The following TBC1D16 variants were observed in gnomAD, a reference collection of about 807,000 sequenced individuals.
TBC1D16 encodes the protein CTD-2529O21.1.
A neutral mutation model predicts 74.7 loss-of-function variants in TBC1D16; 58 were observed. That is an observed-to-expected ratio of 0.78 (90% CI 0.63 to 0.97). The LOEUF is 0.97. Ranked by LOEUF, TBC1D16 falls within the 50% of genes least tolerant of loss-of-function variation. The probability of loss-of-function intolerance (pLI) is 0.00; values close to 1 mark genes in which losing one functional copy is unlikely to be tolerated. For synonymous variants in TBC1D16, 493 were observed against 474.7 expected, an observed-to-expected ratio of 1.04 and a Z score of -0.50; for missense variants, 1,014 against 1,079.5, an observed-to-expected ratio of 0.94 and a Z score of 0.85.
rs955381622 is a variant in TBC1D16, at chr17:80,008,985, G to C, written c.779+1175C>G. Among the ~76,000 whole-genome samples, 1 of 152,190 alleles carries C rather than the reference G, an allele frequency of 6.6e-6. No homozygotes were observed. Among genetic ancestry groups the C allele is most frequent in the Non-Finnish European group, 1.5e-5 (1 of 68,020 alleles). ...CTGGGTTCACATCCCAGCTTGGCCC[G>C]GGCACTGGCTGGGAGACCCCTGGCA... On this transcript the variant is annotated intron_variant, in intron 3 of 11. Transcript: ENST00000310924. This position sits in a 1 kb window ranked among gnomAD's most constrained non-coding sequence, Gnocchi z 4.5.
intron 3 of TBC1D16, among the ~76,000 whole-genome samples, chr17:79,957,441 C>A (rs1469955199): frequency 1.3e-5 from 2 of 152,160 alleles, no homozygotes; most frequent in Non-Finnish European, 2.9e-5. Context: ...AGTGAAGGGA[C>A]CCACTGTGAC....
intron 3 of TBC1D16, among the ~76,000 whole-genome samples, chr17:79,984,902 C>T (rs1258714398): frequency 1.3e-5 from 2 of 149,650 alleles, no homozygotes; most frequent in Non-Finnish European, 3.0e-5. Flanking sequence ...ACCCACCCCA[C>T]CATCCTCCAG....
In TBC1D16 at chr17:79,990,754, G is replaced by T. The variant is rs1178434056; in HGVS notation, c.779+19406C>A. Among the ~76,000 whole-genome samples, 1 of 151,958 alleles carries T rather than the reference G, an allele frequency of 6.6e-6. No individual in the cohort carries two copies. The highest frequency in any genetic ancestry group is 2.1e-4 in the South Asian group (1 of 4,826). On this transcript the variant is annotated intron_variant, in intron 3 of 11. Coordinates refer to ENST00000310924, the MANE Select transcript of TBC1D16 (RefSeq NM_019020.4). The surrounding 1 kb of genome is among the most constrained non-coding windows in gnomAD (Gnocchi z 4.8). The stretch of plus-strand genomic sequence containing the variant: ...CTCCATGAAACACCAGCTCCCCAAC[G>T]TCCCCTCCCTCAGCCCCTGGCACCC...
intron 8 of TBC1D16, 78 bp downstream of exon 8, chr17:79,948,794 G>T: frequency 6.3e-7 from 1 of 1,582,890 alleles, no homozygotes; most frequent in Non-Finnish European, 8.7e-7. Flanking sequence ...CTCGCTGGGG[G>T]CTCATCCACT....
chr17:80,026,050 C>T (rs2036574087), intron 1 of TBC1D16: 1 of 150,220 alleles, frequency 6.7e-6, no homozygotes, highest in Non-Finnish European at 1.5e-5. Flanking sequence ...CACTCAGAAG[C>T]AACCGAGATG....
At chr17:79,978,229 G>C (rs1272481416) in intron 3 of TBC1D16, among the ~76,000 whole-genome samples, 1 of 152,222 alleles carries the variant, frequency 6.6e-6, no homozygotes, top group Non-Finnish European at 1.5e-5. Context: ...GCAGCTCCTC[G>C]CGGCATGGGC....
intron 2 of TBC1D16, among the ~76,000 whole-genome samples, chr17:80,012,784 G>A (rs1251606820): frequency 6.6e-6 from 1 of 152,138 alleles, no homozygotes; most frequent in East Asian, 1.9e-4. Flanking sequence ...AAATGTTAGG[G>A]TGTGCCGGGG....
At chr17:79,969,004 G>A (rs1219096792) in intron 3 of TBC1D16, among the ~76,000 whole-genome samples, 1 of 152,066 alleles carries the variant, frequency 6.6e-6, no homozygotes, top group African/African-American at 2.4e-5. Flanking sequence ...TTAAAAATGG[G>A]CAAATAATTT....
Position 79,941,062 on chromosome 17 carries a change from AG to A in TBC1D16, c.2100del (p.Cys701AlafsTer49). 1.3e-6 allele frequency: 2 copies of A among 1,596,866 alleles called. No individual in the cohort carries two copies. The highest frequency in any genetic ancestry group is 1.7e-5 in the Admixed American group (1 of 58,456). On this transcript the variant is annotated frameshift_variant, in exon 12 of 12. Transcript: ENST00000310924. LOFTEE classifies it high-confidence loss of function. The surrounding 1 kb of genome is among the most constrained non-coding windows in gnomAD (Gnocchi z 4.3). ...LYQFRLLPRI[P>X]CSLHDLCKLC... ...AGCTTACACAGATCGTGCAGGCTGC[AG>A]GGGATCCGGGGCAGGAGGCGGAACT... is the stretch of plus-strand genomic sequence containing the variant.
intron 10 of TBC1D16, among the ~76,000 whole-genome samples, chr17:79,942,752 G>A (rs907805212): frequency 4.6e-5 from 7 of 152,326 alleles, no homozygotes; most frequent in Non-Finnish European, 8.8e-5. Context: ...TCTAGGGTTT[G>A]TGGCTAGAAA....
At chr17:79,959,664 T>C (rs188222414) in intron 3 of TBC1D16, among the ~76,000 whole-genome samples, 108 of 152,258 alleles carry the variant, frequency 7.1e-4, no homozygotes, top group African/African-American at 2.4e-3. Context: ...GATATCTGCA[T>C]GAAAAAAATT....
rs142264701 is a variant in TBC1D16, at chr17:79,956,464, G to C, written c.780-3646C>G. ...AGATGGGGTTTTGCCATGTTGCCCAGGCTGGTCTCAAACTCCTGAGCTCAA... is the reference window on the plus strand; with the variant it reads ...AGATGGGGTTTTGCCATGTTGCCCACGCTGGTCTCAAACTCCTGAGCTCAA... On this transcript the variant is annotated intron_variant, in intron 3 of 11. Coordinates refer to ENST00000310924, the MANE Select transcript of TBC1D16 (RefSeq NM_019020.4). The surrounding 1 kb of genome is among the most constrained non-coding windows in gnomAD (Gnocchi z 4.0). 0.021 allele frequency among the ~76,000 whole-genome samples: 3,256 copies of C among 152,148 alleles called. 109 individuals are homozygous for C. The highest frequency in any genetic ancestry group is 0.073 in the African/African-American group (3,039 of 41,494).
chr17:80,011,420 C>G (rs936074312), intron 2 of TBC1D16, among the ~76,000 whole-genome samples: 1 of 152,174 alleles, frequency 6.6e-6, no homozygotes, highest in African/African-American at 2.4e-5. Flanking sequence ...CCAGGGCTCA[C>G]CTGCCTGCAG....
intron 3 of TBC1D16, among the ~76,000 whole-genome samples, chr17:79,962,754 T>A (rs2033673225): frequency 2.0e-5 from 3 of 151,208 alleles, no homozygotes. Context: ...ACCAACATGA[T>A]GAAATCCCAT....
chr17:79,988,326 A>C lies in TBC1D16; in HGVS notation c.779+21834T>G, dbSNP rs2034924055. Among the ~76,000 whole-genome samples, 1 of 152,232 alleles carries C rather than the reference A, an allele frequency of 6.6e-6. No homozygotes were observed. On this transcript the variant is annotated intron_variant, in intron 3 of 11. Coordinates refer to ENST00000310924, the MANE Select transcript of TBC1D16 (RefSeq NM_019020.4). This position sits in a 1 kb window ranked among gnomAD's most constrained non-coding sequence, Gnocchi z 5.7. ...CTGAACAAACACCACCACCCTGAAA[A>C]GTCACCAGCCCATGGGCCTCTCCCT...
rs1598308605 is a variant in TBC1D16 at position 79,941,864 on chromosome 17, G to C, written c.2055+196C>G. On this transcript the variant is annotated intron_variant, in intron 11 of 11. Transcript: ENST00000310924. This position sits in a 1 kb window ranked among gnomAD's most constrained non-coding sequence, Gnocchi z 4.3. Reference sequence around the variant, plus strand: ...AGGTGACACAGCCAGGCCGAGACAGGTGCTGACCACGAGGCCTTAGTGGGG... The same window carrying C: ...AGGTGACACAGCCAGGCCGAGACAGCTGCTGACCACGAGGCCTTAGTGGGG... Among the ~76,000 whole-genome samples the C allele has an allele frequency of 6.6e-6, 1 of 152,128 alleles. No individual in the cohort carries two copies. The highest frequency in any genetic ancestry group is 1.9e-4 in the East Asian group (1 of 5,186).
rs952921863 is a variant in TBC1D16, at chr17:79,956,620, G to A, written c.780-3802C>T. Among the ~76,000 whole-genome samples the A allele has an allele frequency of 1.3e-5, 2 of 152,148 alleles. No individual in the cohort carries two copies. The highest frequency in any genetic ancestry group is 2.4e-5 in the African/African-American group (1 of 41,424). ...TCACAGCAACGGATCACTGACACACGCAGGACAAGCCAGCTCTCAGAAAAA... is the reference window on the plus strand; with the variant it reads ...TCACAGCAACGGATCACTGACACACACAGGACAAGCCAGCTCTCAGAAAAA... On this transcript the variant is annotated intron_variant, in intron 3 of 11. Transcript: ENST00000310924. This position sits in a 1 kb window ranked among gnomAD's most constrained non-coding sequence, Gnocchi z 4.0.
intron 3 of TBC1D16, among the ~76,000 whole-genome samples, chr17:80,002,600 G>A (rs764861491): frequency 5.3e-5 from 8 of 152,158 alleles, no homozygotes; most frequent in Admixed American, 2.0e-4. Context: ...AGAGTTTTTC[G>A]GGCCTGTCCT....
rs954005086 is a variant in TBC1D16 at position 79,939,144 on chromosome 17, G to A, written c.*1715C>T. 3 of 152,358 alleles carry A rather than the reference G, an allele frequency of 2.0e-5. No individual in the cohort carries two copies. Among genetic ancestry groups the A allele is most frequent in the African/African-American group, 4.8e-5 (2 of 41,458 alleles). 9.4% of individuals were successfully genotyped at this position (152,358 alleles called of 1,614,324 possible). On this transcript the variant is annotated 3_prime_UTR_variant, in exon 12 of 12. Coordinates refer to ENST00000310924, the MANE Select transcript of TBC1D16 (RefSeq NM_019020.4). ...TCCAGCCACCTCCCTAGCCCAGAAAGGCAACCCTCTCTTCCCAGAAGCAAC... is the reference window on the plus strand; with the variant it reads ...TCCAGCCACCTCCCTAGCCCAGAAAAGCAACCCTCTCTTCCCAGAAGCAAC...
Sources: allele counts gnomAD v4.1 joint callset (sites outside exome capture counted in the v4.1 genomes callset), GRCh38; gene constraint gnomAD v4.1.1; non-coding constraint Gnocchi (gnomAD v3.1); transcripts MANE v1.5; gene names NCBI Gene and HGNC (gene_info 2026-07-23, HGNC 2026-07-21).